The following RYR3 variants were observed in gnomAD, a reference collection of about 807,000 sequenced individuals.
RYR3 encodes the protein brain ryanodine receptor-calcium release channel.
RYR3 carries 207 observed loss-of-function variants against 584.3 expected under a neutral mutation model. The ratio of observed to expected loss-of-function variants is 0.35; its 90% CI spans 0.32 to 0.40. The LOEUF is 0.40. Ranked by LOEUF, RYR3 falls within the 10% of genes least tolerant of loss-of-function variation. The pLI is 1.00. For synonymous variants in RYR3, 2,416 were observed against 2,248.5 expected (o/e 1.07, Z -2.11); for missense variants, 5,616 against 6,089.2 (o/e 0.92, Z 2.59).
chr15:33,584,976 C>A (rs1328968952), intron 15 of RYR3, among the ~76,000 whole-genome samples: 2 of 152,102 alleles, frequency 1.3e-5, no homozygotes, highest in African/African-American at 4.8e-5. Context: ...CACATCATAT[C>A]TATAGTCCTC....
chr15:33,729,978 T>C (rs1409437804), intron 47 of RYR3, among the ~76,000 whole-genome samples: 1 of 152,072 alleles, frequency 6.6e-6, no homozygotes, highest in Non-Finnish European at 1.5e-5. Context: ...TGCATTCCCA[T>C]GTGTGGTATG....
chr15:33,807,429 C>T, intron 69 of RYR3, 126 bp from the exon 70 acceptor site: 1 of 919,386 alleles, frequency 1.1e-6, no homozygotes, highest in Admixed American at 2.0e-5. Flanking sequence ...CATTGAGTTT[C>T]TGTTGTGTTG....
At position 33,731,561 on chromosome 15, in the gene RYR3, C is replaced by T; in HGVS notation, c.7291C>T (p.Leu2431Phe). 1.9e-6 allele frequency: 3 copies of T among 1,613,926 alleles called. No homozygotes were observed. Among genetic ancestry groups the T allele is most frequent in the Non-Finnish European group, 2.5e-6 (3 of 1,179,822 alleles). ...VLPLLTRCAP[L>F]FAGTEHCTSL... ...CCCGCTCCTCACAAGATGTGCCCCTCTCTTTGCCGGAACAGAACACTGCAC... is the reference window on the plus strand; with the variant it reads ...CCCGCTCCTCACAAGATGTGCCCCTTTCTTTGCCGGAACAGAACACTGCAC... The change falls in exon 48 of 104, where the codon CTC (leucine) becomes TTC (phenylalanine). Residue 2431 changes from leucine to phenylalanine, a missense_variant. By Grantham distance (22) the Leu-to-Phe change is conservative. Coordinates refer to ENST00000634891, the MANE Select transcript of RYR3 (RefSeq NM_001036.6).
chr15:33,385,155 A>G (rs1157264405), intron 1 of RYR3, among the ~76,000 whole-genome samples: 1 of 152,062 alleles, frequency 6.6e-6, no homozygotes, highest in Non-Finnish European at 1.5e-5. Context: ...TATTTTCTGG[A>G]TGTATACAAC....
chr15:33,831,354 A>G (rs993853481), intron 86 of RYR3, among the ~76,000 whole-genome samples: 1 of 152,234 alleles, frequency 6.6e-6, no homozygotes. Context: ...TCCCTCTTAA[A>G]CTAAAAATTT....
intron 1 of RYR3, among the ~76,000 whole-genome samples, chr15:33,327,585 T>A (rs1246306502): frequency 1.3e-5 from 2 of 152,234 alleles, no homozygotes; most frequent in African/African-American, 4.8e-5. Flanking sequence ...AATTACTGTT[T>A]TCTGAACTAA....
chr15:33,728,776 T>C (rs2068680983), intron 46 of RYR3, 81 bp from the exon 47 acceptor site: 1 of 1,366,210 alleles, frequency 7.3e-7, no homozygotes, highest in East Asian at 2.4e-5. Flanking sequence ...GAGAATAAGC[T>C]ATAGACAGAC....
chr15:33,854,202 A>AG (rs1319795809), intron 96 of RYR3, among the ~76,000 whole-genome samples, 187 bp from the exon 97 acceptor site: 2 of 151,498 alleles, frequency 1.3e-5, no homozygotes, highest in Non-Finnish European at 2.9e-5. Flanking sequence ...TTTCAAAAAA[A>AG]AAAAAAAATT....
At chr15:33,817,449 A>C (rs2076874972) in intron 75 of RYR3, among the ~76,000 whole-genome samples, 1 of 152,204 alleles carries the variant, frequency 6.6e-6, no homozygotes, top group African/African-American at 2.4e-5. Flanking sequence ...AGAGGGGAAA[A>C]CTTACTGCAG....
intron 1 of RYR3, among the ~76,000 whole-genome samples, chr15:33,337,699 T>C (rs1436761003): frequency 6.6e-6 from 1 of 152,084 alleles, no homozygotes; most frequent in Non-Finnish European, 1.5e-5. Flanking sequence ...CTTTGGAAAA[T>C]AACCTGATAA....
At chr15:33,496,267 C>T (rs1250512134) in intron 2 of RYR3, among the ~76,000 whole-genome samples, 1 of 152,146 alleles carries the variant, frequency 6.6e-6, no homozygotes, top group Non-Finnish European at 1.5e-5. Flanking sequence ...CACTGGGGAC[C>T]GAGTTCATCT....
chr15:33,437,654 C>T (rs2045851738), intron 1 of RYR3, among the ~76,000 whole-genome samples: 1 of 152,226 alleles, frequency 6.6e-6, no homozygotes, highest in Non-Finnish European at 1.5e-5. Flanking sequence ...GTCTCTGCCA[C>T]AGTGGCCTGT....
Position 33,531,694 on chromosome 15 carries a change from C to T in RYR3, c.354+1028C>T, listed in dbSNP as rs138532466. Among the ~76,000 whole-genome samples the T allele has an allele frequency of 2.7e-4, 41 of 151,768 alleles. No individual in the cohort carries two copies. The East Asian group carries it at 7.2e-3, about 27-fold the overall frequency. On this transcript the variant is annotated intron_variant, in intron 4 of 103. Transcript: ENST00000634891. ...AAGAGGCTGACCTTTTCAGCCTGAACATTCGTCTGCTGTAGTCCTTCATGG... is the reference window on the plus strand; with the variant it reads ...AAGAGGCTGACCTTTTCAGCCTGAATATTCGTCTGCTGTAGTCCTTCATGG...
At chr15:33,797,155 T>G (rs1044026655) in intron 67 of RYR3, among the ~76,000 whole-genome samples, 5 of 152,160 alleles carry the variant, frequency 3.3e-5, no homozygotes, top group African/African-American at 1.2e-4. Flanking sequence ...ACAATGTGCC[T>G]TATTTGAGTG....
At position 33,659,819 on chromosome 15, in the gene RYR3, C is replaced by T. The variant is rs771351379; in HGVS notation, c.4395+13C>T. 1.3e-6 allele frequency: 2 copies of T among 1,550,204 alleles called. No homozygotes were observed. Among genetic ancestry groups the T allele is most frequent in the South Asian group, 2.2e-5 (2 of 89,176 alleles). Reference sequence around the variant, plus strand: ...TGGAAAGCTGAAGGTATTTATTTGTCCTCTCATCTAATGGCCATGACAAGA... The same window carrying T: ...TGGAAAGCTGAAGGTATTTATTTGTTCTCTCATCTAATGGCCATGACAAGA... On this transcript the variant is annotated intron_variant, in intron 33 of 103. Coordinates refer to ENST00000634891, the MANE Select transcript of RYR3 (RefSeq NM_001036.6).
chr15:33,688,093 C>A (rs1412020318), intron 38 of RYR3, among the ~76,000 whole-genome samples: 1 of 152,226 alleles, frequency 6.6e-6, no homozygotes, highest in African/African-American at 2.4e-5. Context: ...AGCTTCTGCA[C>A]AGCAAAAGAA....
Position 33,853,209 on chromosome 15 carries a change from G to A in RYR3, c.13671+122G>A, listed in dbSNP as rs2079286892. On this transcript the variant is annotated intron_variant, in intron 95 of 103. Transcript: ENST00000634891. ...TACTTTTATGATAATATCTCAAGAA[G>A]AGTAAGTCACAGAAGGGGTTGGATA... The A allele has an allele frequency of 7.1e-6, 7 of 992,716 alleles. No homozygotes were observed. The Admixed American group carries it at 9.2e-5, about 13-fold the overall frequency. 61.5% of individuals were successfully genotyped at this position (992,716 alleles called of 1,614,324 possible). A position where few individuals can be genotyped will look rare whatever the true frequency, so the allele number is the denominator to read the frequency against.
chr15:33,497,749 T>A (rs1194303569), intron 2 of RYR3, among the ~76,000 whole-genome samples: 1 of 152,206 alleles, frequency 6.6e-6, no homozygotes, highest in Non-Finnish European at 1.5e-5. Context: ...CTCTTGTGGC[T>A]ATTTTAAAAT....
At chr15:33,685,375 C>G (rs2064920639) in intron 38 of RYR3, among the ~76,000 whole-genome samples, 1 of 152,158 alleles carries the variant, frequency 6.6e-6, no homozygotes, top group African/African-American at 2.4e-5. Flanking sequence ...GTAAAGGGAT[C>G]AATTCAACAA....
Sources: allele counts gnomAD v4.1 joint callset (sites outside exome capture counted in the v4.1 genomes callset), GRCh38; gene constraint gnomAD v4.1.1; transcripts MANE v1.5; gene names NCBI Gene and HGNC (gene_info 2026-07-23, HGNC 2026-07-21).